DLC1: variants seen among roughly 807,000 people sequenced by gnomAD.
The protein encoded by DLC1 is DLC1 Rho GTPase activating protein, also known as rho GTPase-activating protein 7.
DLC1 carries 54 observed loss-of-function variants against 140.3 expected under a neutral mutation model. The ratio of observed to expected loss-of-function variants is 0.38; its 90% CI spans 0.31 to 0.48. The LOEUF (loss-of-function observed/expected upper bound fraction) is 0.48, where lower values mean the gene tolerates loss of function less well. DLC1 is among the 20% of genes least tolerant of loss of function. The pLI, the probability that DLC1 is intolerant of heterozygous loss-of-function variation, is 0.96. For missense variants in DLC1, 2,536 were observed against 1,907.0 expected, an observed-to-expected ratio of 1.33 and a Z score of -6.14; for synonymous variants, 986 against 728.1, an observed-to-expected ratio of 1.35 and a Z score of -5.70.
intron 4 of DLC1, among the ~76,000 whole-genome samples, chr8:13,378,913 C>T (rs1470224759): frequency 3.3e-5 from 5 of 152,058 alleles, no homozygotes; most frequent in Non-Finnish European, 5.9e-5. Flanking sequence ...CTTGGTGTAA[C>T]TCAGAGATAT....
chr8:13,240,805 T>C (rs532412967), intron 5 of DLC1, among the ~76,000 whole-genome samples: 15 of 152,334 alleles, frequency 9.8e-5, no homozygotes, highest in South Asian at 2.1e-4. Flanking sequence ...AATGGAAATA[T>C]ATATATTTTC....
At chr8:13,160,565 A>G (rs773268444) in intron 5 of DLC1, among the ~76,000 whole-genome samples, 1 of 152,142 alleles carries the variant, frequency 6.6e-6, no homozygotes, top group Non-Finnish European at 1.5e-5. Flanking sequence ...GGCCTTAGGA[A>G]TCTCTCCTTA....
At chr8:13,164,063 G>T (rs1184423750) in intron 5 of DLC1, among the ~76,000 whole-genome samples, 3 of 152,066 alleles carry the variant, frequency 2.0e-5, no homozygotes, top group Admixed American at 1.3e-4. Flanking sequence ...TTGGGAGGCC[G>T]AGGCGGGCGG....
intron 5 of DLC1, among the ~76,000 whole-genome samples, chr8:13,147,492 T>C (rs1487988001): frequency 6.6e-6 from 1 of 152,200 alleles, no homozygotes; most frequent in Non-Finnish European, 1.5e-5. Flanking sequence ...CTGTGGCTGA[T>C]ACTGACCATG....
intron 1 of DLC1, among the ~76,000 whole-genome samples, chr8:13,568,566 A>G (rs1804537454): frequency 7.3e-6 from 1 of 137,780 alleles, no homozygotes; most frequent in South Asian, 2.5e-4. Context: ...GAAGCCGTAG[A>G]TTGTCAAGCG....
At chr8:13,483,806 G>A (rs996757859) in intron 2 of DLC1, among the ~76,000 whole-genome samples, 1 of 152,180 alleles carries the variant, frequency 6.6e-6, no homozygotes, top group Non-Finnish European at 1.5e-5. Context: ...CTCGGGCGGG[G>A]TGTGGTGGCT....
intron 5 of DLC1, among the ~76,000 whole-genome samples, chr8:13,182,793 T>C (rs987153969): frequency 6.6e-6 from 1 of 152,228 alleles, no homozygotes; most frequent in African/African-American, 2.4e-5. Context: ...AGGATTGTCT[T>C]GGCAATGTGG....
intron 5 of DLC1, among the ~76,000 whole-genome samples, chr8:13,200,636 A>T (rs1827328415): frequency 6.6e-6 from 1 of 151,864 alleles, no homozygotes; most frequent in African/African-American, 2.4e-5. Flanking sequence ...GCAGAGTCTC[A>T]CTCTGTTGCC....
At chr8:13,156,319 C>G (rs138383908) in intron 5 of DLC1, among the ~76,000 whole-genome samples, 4 of 152,084 alleles carry the variant, frequency 2.6e-5, no homozygotes, top group African/African-American at 7.2e-5. Flanking sequence ...CATACAGTAT[C>G]CTGAGTACAT....
chr8:13,095,515 G>C (rs1349285016), intron 10 of DLC1: 1 of 432,866 alleles, frequency 2.3e-6, no homozygotes, highest in African/African-American at 2.0e-5. Context: ...CTCCTGGACA[G>C]TGCTGTTCTA....
chr8:13,266,869 A>G (rs1830709617), intron 5 of DLC1, among the ~76,000 whole-genome samples: 1 of 152,244 alleles, frequency 6.6e-6, no homozygotes, highest in African/African-American at 2.4e-5. Flanking sequence ...AAGGCCTGAT[A>G]ACTAATGCCC....
At chr8:13,362,663 G>A (rs1180939343) in intron 4 of DLC1, among the ~76,000 whole-genome samples, 1 of 151,892 alleles carries the variant, frequency 6.6e-6, no homozygotes, top group Non-Finnish European at 1.5e-5. Flanking sequence ...AGGGGGGTGT[G>A]GAAGAGGGAA....
chr8:13,342,335 A>G (rs1834100351), intron 4 of DLC1: 1 of 152,258 alleles, frequency 6.6e-6, no homozygotes, highest in Non-Finnish European at 1.5e-5. Flanking sequence ...TAGAATAGCA[A>G]GAAAAGCAAA....
At chr8:13,572,588 A>G (rs970953591) in intron 1 of DLC1, among the ~76,000 whole-genome samples, 2 of 151,986 alleles carry the variant, frequency 1.3e-5, no homozygotes, top group Non-Finnish European at 2.9e-5. Flanking sequence ...TTGCCCATAT[A>G]TTTTCTTCTA....
chr8:13,312,386 A>AAAAAAAAAAAAT lies in DLC1; in HGVS notation c.1315-7085_1315-7084insATTTTTTTTTTT, dbSNP rs71207139. On this transcript the variant is annotated intron_variant, in intron 4 of 17. Coordinates refer to ENST00000276297, the MANE Select transcript of DLC1 (RefSeq NM_182643.3). ...AAAAAAAAAAAAAAAAAAAAAAAAAAAATAATTTCTTTAGCAAGCTAGATA... is the reference window on the plus strand; with the variant it reads ...AAAAAAAAAAAAAAAAAAAAAAAAAAAAAAAAAAAAATAATAATTTCTTTAGCAAGCTAGATA... Among the ~76,000 whole-genome samples the AAAAAAAAAAAAT allele has an allele frequency of 6.9e-3, 565 of 81,652 alleles. 87 individuals are homozygous for AAAAAAAAAAAAT. Among genetic ancestry groups the AAAAAAAAAAAAT allele is most frequent in the African/African-American group, 8.3e-3 (186 of 22,376 alleles). 53.6% of individuals were successfully genotyped at this position (81,652 alleles called of 152,430 possible).
intron 1 of DLC1, among the ~76,000 whole-genome samples, chr8:13,561,650 TTATC>T (rs1804247759): frequency 6.6e-6 from 1 of 152,234 alleles, no homozygotes; most frequent in Non-Finnish European, 1.5e-5. Flanking sequence ...ATTTACCTGC[TTATC>T]TACCTACCAG....
intron 4 of DLC1, among the ~76,000 whole-genome samples, chr8:13,360,732 A>T (rs1835183943): frequency 6.6e-6 from 1 of 152,194 alleles, no homozygotes; most frequent in African/African-American, 2.4e-5. Context: ...TGTCTTAGAA[A>T]ATATGAAATG....
chr8:13,393,816 G>C, intron 3 of DLC1, 123 bp from the exon 4 acceptor site: 1 of 1,141,650 alleles, frequency 8.8e-7, no homozygotes, highest in Non-Finnish European at 1.2e-6. Flanking sequence ...CTAAAGAGTT[G>C]CTGACAACTG....
intron 1 of DLC1, chr8:13,567,457 G>T: frequency 6.4e-7 from 1 of 1,552,112 alleles, no homozygotes; most frequent in South Asian, 1.2e-5. Context: ...TGGATTGGAT[G>T]TAGAGGCTTC....
Sources: allele counts gnomAD v4.1 joint callset (sites outside exome capture counted in the v4.1 genomes callset), GRCh38; gene constraint gnomAD v4.1.1; transcripts MANE v1.5; gene names NCBI Gene and HGNC (gene_info 2026-07-23, HGNC 2026-07-21).